DNER: variants seen among roughly 807,000 people sequenced by gnomAD.
DNER encodes the protein delta and Notch-like epidermal growth factor-related receptor.
Under a neutral mutation model 78.2 loss-of-function variants are expected in DNER, and 33 were observed. The ratio of observed to expected loss-of-function variants is 0.42; its 90% CI spans 0.32 to 0.56. The LOEUF (loss-of-function observed/expected upper bound fraction) is 0.56. Ranked by LOEUF, DNER falls within the 20% of genes least tolerant of loss-of-function variation. DNER has a pLI of 0.11. For missense variants in DNER, 918 were observed against 975.3 expected (o/e 0.94, Z 0.78); for synonymous variants, 417 against 384.8 (o/e 1.08, Z -0.98).
At chr2:229,619,345 G>C (rs1342409661) in intron 1 of DNER, among the ~76,000 whole-genome samples, 1 of 152,030 alleles carries the variant, frequency 6.6e-6, no homozygotes, top group African/African-American at 2.4e-5. Context: ...AAATTATCTA[G>C]TTGCATAGCC....
chr2:229,462,008 T>A (rs926946443), intron 7 of DNER, among the ~76,000 whole-genome samples: 3 of 151,864 alleles, frequency 2.0e-5, no homozygotes, highest in Non-Finnish European at 4.4e-5. Flanking sequence ...CAATGGAAAA[T>A]AAACAAAATA....
At chr2:229,613,160 T>C (rs528400162) in intron 1 of DNER, among the ~76,000 whole-genome samples, 3 of 152,346 alleles carry the variant, frequency 2.0e-5, no homozygotes, top group East Asian at 3.9e-4. Flanking sequence ...GAATAGAATA[T>C]AGATTAACGG....
chr2:229,431,847 G>T (rs1694014754), intron 8 of DNER, among the ~76,000 whole-genome samples: 1 of 151,814 alleles, frequency 6.6e-6, no homozygotes, highest in Admixed American at 6.6e-5. Flanking sequence ...GGCACAGAGG[G>T]ATGCAAATGA....
chr2:229,431,144 AG>A (rs1218775975), intron 8 of DNER, among the ~76,000 whole-genome samples: 1 of 152,208 alleles, frequency 6.6e-6, no homozygotes, highest in Non-Finnish European at 1.5e-5. Context: ...ATATTTGGAA[AG>A]GAAACAGTTC....
chr2:229,512,641 C>A lies in DNER; in HGVS notation c.1147+142G>T, dbSNP rs928340081. 4.2e-6 allele frequency: 5 copies of A among 1,197,870 alleles called. No homozygotes were observed. In the South Asian group the frequency reaches 7.6e-5, roughly 18 times the overall value. 74.2% of individuals were successfully genotyped at this position (1,197,870 alleles called of 1,614,324 possible). A position where few individuals can be genotyped will look rare whatever the true frequency, so the allele number is the denominator to read the frequency against. ...TATACTACTTGGGTGATGAGTGCAC[C>A]AAAACCTCACAAATCACCAAAAAGA... is the stretch of plus-strand genomic sequence containing the variant. On this transcript the variant is annotated intron_variant, in intron 6 of 12. Transcript: ENST00000341772.
chr2:229,494,234 C>G (rs997320147), intron 6 of DNER, among the ~76,000 whole-genome samples: 1 of 152,174 alleles, frequency 6.6e-6, no homozygotes, highest in Admixed American at 6.5e-5. Flanking sequence ...TAGCATAATA[C>G]CTAATATCTA....
At position 229,620,150 on chromosome 2, in the gene DNER, C is replaced by T. The variant is rs561250446; in HGVS notation, c.277-28262G>A. Among the ~76,000 whole-genome samples the T allele has an allele frequency of 2.6e-5, 4 of 152,162 alleles. No homozygotes were observed. The South Asian group carries it at 8.3e-4, about 32-fold the overall frequency. On this transcript the variant is annotated intron_variant, in intron 1 of 12. Transcript: ENST00000341772. ...GCACCCTCTCAGCCTGTGGGTGTCGCGGAAGAACGGGATCACCCTCCCCTC... is the reference window on the plus strand; with the variant it reads ...GCACCCTCTCAGCCTGTGGGTGTCGTGGAAGAACGGGATCACCCTCCCCTC...
chr2:229,447,918 C>T (rs1694373407), intron 7 of DNER, among the ~76,000 whole-genome samples: 1 of 152,102 alleles, frequency 6.6e-6, no homozygotes, highest in African/African-American at 2.4e-5. Flanking sequence ...AGAGGGCTCT[C>T]CCCTCTTATT....
intron 1 of DNER, among the ~76,000 whole-genome samples, chr2:229,604,762 C>A (rs955449164): frequency 6.6e-6 from 1 of 152,160 alleles, no homozygotes; most frequent in African/African-American, 2.4e-5. Context: ...AAATCAGTGG[C>A]TCTGCAGATA....
intron 5 of DNER, among the ~76,000 whole-genome samples, chr2:229,542,150 T>G (rs1283219912): frequency 6.6e-6 from 1 of 151,946 alleles, no homozygotes; most frequent in Non-Finnish European, 1.5e-5. Flanking sequence ...GCCCTGACAC[T>G]CACCTGTGAG....
intron 1 of DNER, among the ~76,000 whole-genome samples, chr2:229,627,389 G>A (rs1024307140): frequency 6.6e-6 from 1 of 152,170 alleles, no homozygotes; most frequent in African/African-American, 2.4e-5. Flanking sequence ...CACAACTTTA[G>A]ACATAACAGA....
intron 1 of DNER, among the ~76,000 whole-genome samples, chr2:229,638,843 C>T (rs1574938935): frequency 6.6e-6 from 1 of 152,192 alleles, no homozygotes; most frequent in African/African-American, 2.4e-5. Flanking sequence ...ATCGGTAAAA[C>T]CCACCTCACA....
At chr2:229,672,271 G>A (rs1314224034) in intron 1 of DNER, among the ~76,000 whole-genome samples, 12 of 152,090 alleles carry the variant, frequency 7.9e-5, no homozygotes. Context: ...CAACAGCTAT[G>A]GCCAAGACAG....
At chr2:229,601,205 G>A (rs921855179) in intron 1 of DNER, among the ~76,000 whole-genome samples, 23 of 152,096 alleles carry the variant, frequency 1.5e-4, no homozygotes, top group Admixed American at 9.8e-4. Context: ...CTTCTGAAAC[G>A]CAAATGAACA....
chr2:229,621,728 GT>G (rs898274134), intron 1 of DNER, among the ~76,000 whole-genome samples: 87 of 152,272 alleles, frequency 5.7e-4, no homozygotes, highest in African/African-American at 2.0e-3. Flanking sequence ...CCTTTGTTTG[GT>G]TTTTCTTACT....
At chr2:229,412,521 T>G (rs1341508252) in intron 9 of DNER, among the ~76,000 whole-genome samples, 1 of 152,144 alleles carries the variant, frequency 6.6e-6, no homozygotes, top group Non-Finnish European at 1.5e-5. Flanking sequence ...AAAAAGAATT[T>G]AATACAAGGC....
chr2:229,590,382 C>A (rs1251664155), intron 2 of DNER, among the ~76,000 whole-genome samples: 2 of 152,154 alleles, frequency 1.3e-5, no homozygotes, highest in Non-Finnish European at 2.9e-5. Flanking sequence ...AAAAATATGT[C>A]AAAATCATTG....
At chr2:229,558,353 C>T (rs886372180) in intron 4 of DNER, among the ~76,000 whole-genome samples, 3 of 152,128 alleles carry the variant, frequency 2.0e-5, no homozygotes, top group Admixed American at 2.0e-4. Flanking sequence ...ATGCAACAAA[C>T]ATGCACTTGT....
intron 1 of DNER, among the ~76,000 whole-genome samples, chr2:229,651,479 G>A (rs998554392): frequency 2.6e-5 from 4 of 152,156 alleles, no homozygotes; most frequent in Non-Finnish European, 5.9e-5. Flanking sequence ...CCCTCTGCAG[G>A]TTCTCAAGAC....
Sources: gnomAD v4.1 joint callset for allele counts (sites outside exome capture counted in the v4.1 genomes callset) on GRCh38, gnomAD v4.1.1 for gene constraint, MANE v1.5 for transcripts, NCBI Gene and HGNC (gene_info 2026-07-23, HGNC 2026-07-21) for gene names.